Variants in PCDHGA3 observed in about 807,000 individuals in gnomAD.
PCDHGA3 encodes the protein protocadherin gamma-A3.
PCDHGA3 carries 40 observed loss-of-function variants against 58.5 expected under a neutral mutation model. The observed-to-expected ratio is 0.68, with a 90% CI of 0.53 to 0.89. PCDHGA3 has a LOEUF of 0.89. Ranked by LOEUF, PCDHGA3 falls within the 40% of genes least tolerant of loss-of-function variation. The probability of loss-of-function intolerance (pLI) is 0.00; values close to 1 mark genes in which losing one functional copy is unlikely to be tolerated. For synonymous variants in PCDHGA3, 530 were observed against 525.7 expected (o/e 1.01, Z -0.11); for missense variants, 1,223 against 1,195.9 (o/e 1.02, Z -0.33).
At chr5:141,350,252 G>A in intron 1 of PCDHGA3, 1 of 1,509,234 alleles carries the variant, frequency 6.6e-7, no homozygotes, top group Non-Finnish European at 8.8e-7. Flanking sequence ...TCCGCGGAGA[G>A]TTCCTGAAAT....
At chr5:141,394,885 T>C (rs769027830) in intron 1 of PCDHGA3, 1 of 1,613,758 alleles carries the variant, frequency 6.2e-7, no homozygotes. Context: ...AGCCTTACAC[T>C]CTATCTCGTG....
At chr5:141,382,795 T>G in intron 1 of PCDHGA3, 8 of 982,614 alleles carry the variant, frequency 8.1e-6, no homozygotes, top group Non-Finnish European at 1.2e-5. Context: ...TCTATCCTGC[T>G]GGATTCTGAG....
At chr5:141,428,448 T>C in intron 1 of PCDHGA3, 12 of 375,612 alleles carry the variant, frequency 3.2e-5, no homozygotes, top group South Asian at 2.4e-4. Flanking sequence ...CAGGGGTTTT[T>C]CCCAACTACA....
chr5:141,393,815 C>T (rs2092850609), intron 1 of PCDHGA3: 1 of 1,613,922 alleles, frequency 6.2e-7, no homozygotes, highest in Non-Finnish European at 8.5e-7. Context: ...CCAAATTGCT[C>T]ATTTCGGTGG....
intron 1 of PCDHGA3, chr5:141,351,904 G>T (rs768629787): frequency 1.2e-6 from 2 of 1,613,416 alleles, no homozygotes; most frequent in Admixed American, 3.3e-5. Context: ...GCGTGTTGGT[G>T]GGCGACCTCA....
chr5:141,384,717 C>T (rs575459465), intron 1 of PCDHGA3: 3 of 1,614,166 alleles, frequency 1.9e-6, no homozygotes, highest in African/African-American at 2.7e-5. Flanking sequence ...GGCTGTCATA[C>T]CTCCTGCTTA....
intron 1 of PCDHGA3, among the ~76,000 whole-genome samples, chr5:141,480,866 G>A (rs1329444129): frequency 6.6e-6 from 1 of 152,142 alleles, no homozygotes; most frequent in Non-Finnish European, 1.5e-5. Flanking sequence ...CCAATATGGT[G>A]AAACCCCGTC....
At chr5:141,419,407 G>A (rs1426208057) in intron 1 of PCDHGA3, 20 of 1,613,396 alleles carry the variant, frequency 1.2e-5, no homozygotes, top group Non-Finnish European at 1.4e-5. Flanking sequence ...TGGTGTTCGC[G>A]CAGCGCGCCT....
chr5:141,426,829 A>G, intron 1 of PCDHGA3: 2 of 456,716 alleles, frequency 4.4e-6, no homozygotes, highest in South Asian at 3.1e-5. Context: ...CTGATGATGG[A>G]CAAGACTAAA....
At chr5:141,365,366 G>T (rs764735476) in intron 1 of PCDHGA3, 1 of 1,613,792 alleles carries the variant, frequency 6.2e-7, no homozygotes, top group South Asian at 1.1e-5. Context: ...CAATGCCCCC[G>T]AAGTGATCCT....
At chr5:141,441,862 G>A (rs2098280399) in intron 1 of PCDHGA3, 3 of 342,456 alleles carry the variant, frequency 8.8e-6, no homozygotes, top group Non-Finnish European at 1.1e-5. Context: ...GCTGCACGCC[G>A]CGGAGCCTGG....
chr5:141,384,218 T>C (rs1245580303), intron 1 of PCDHGA3: 2 of 1,613,904 alleles, frequency 1.2e-6, no homozygotes, highest in Non-Finnish European at 1.7e-6. Context: ...CACATATTCA[T>C]GCAGGTGGCA....
intron 2 of PCDHGA3, among the ~76,000 whole-genome samples, chr5:141,502,139 C>T (rs923501238): frequency 6.6e-6 from 1 of 152,104 alleles, no homozygotes; most frequent in African/African-American, 2.4e-5. Flanking sequence ...TCAGTCGGGC[C>T]GGAAGTAAGG....
Position 141,432,153 on chromosome 5 carries a change from A to T in PCDHGA3, c.2425-62654A>T. 6.2e-7 allele frequency: 1 copy of T among 1,613,758 alleles called. No homozygotes were observed. The highest frequency in any genetic ancestry group is 8.5e-7 in the Non-Finnish European group (1 of 1,179,910). On this transcript the variant is annotated intron_variant, in intron 1 of 3. Transcript: ENST00000253812. This position sits in a 1 kb window ranked among gnomAD's most constrained non-coding sequence, Gnocchi z 6.0. ...TATTCCGCTTATATCCCAGAGAACA[A>T]TCCCAGAGGAGTTTCCCTCGTCTCT...
At chr5:141,459,319 T>G (rs1270005431) in intron 1 of PCDHGA3, among the ~76,000 whole-genome samples, 1 of 152,216 alleles carries the variant, frequency 6.6e-6, no homozygotes, top group Non-Finnish European at 1.5e-5. Context: ...TTTGTATCCA[T>G]CTTCTTTTAC....
At chr5:141,409,168 G>T in intron 1 of PCDHGA3, 1 of 1,614,032 alleles carries the variant, frequency 6.2e-7, no homozygotes, top group Non-Finnish European at 8.5e-7. Flanking sequence ...TGGAAGCGAA[G>T]GACGGAGGTG....
intron 1 of PCDHGA3, chr5:141,357,119 A>C: frequency 6.2e-7 from 1 of 1,613,654 alleles, no homozygotes. Context: ...GCGCTCAAGC[A>C]GAGGCTTGTA....
chr5:141,355,379 C>T (rs771278815), intron 1 of PCDHGA3: 1 of 1,614,018 alleles, frequency 6.2e-7, no homozygotes, highest in South Asian at 1.1e-5. Context: ...CGGGAGCTGG[C>T]GGAGCGCGGA....
At position 141,400,132 on chromosome 5, in the gene PCDHGA3, C is replaced by T. The variant is rs762060556; in HGVS notation, c.2424+53675C>T. 6.3e-5 allele frequency: 101 copies of T among 1,613,964 alleles called. No individual in the cohort carries two copies. The highest frequency in any genetic ancestry group is 8.4e-5 in the Non-Finnish European group (99 of 1,179,904). On this transcript the variant is annotated intron_variant, in intron 1 of 3. Coordinates refer to ENST00000253812, the MANE Select transcript of PCDHGA3 (RefSeq NM_018916.4). ...TGCTGACAGCTTGCAGGAGGTGCTG[C>T]CGGATATCACTGACCGCCCTGTACC...
Sources: allele counts gnomAD v4.1 joint callset (sites outside exome capture counted in the v4.1 genomes callset), GRCh38; gene constraint gnomAD v4.1.1; non-coding constraint Gnocchi (gnomAD v3.1); transcripts MANE v1.5; gene names NCBI Gene and HGNC (gene_info 2026-07-23, HGNC 2026-07-21).